The following CDYL variants were observed in gnomAD, a reference collection of about 807,000 sequenced individuals.
CDYL encodes the protein chromodomain Y like.
In CDYL, 8 loss-of-function variants were observed where a neutral mutation model predicts 47.3. The observed-to-expected ratio is 0.17, with a 90% confidence interval of 0.10 to 0.31. The LOEUF is 0.31. CDYL is among the 10% of genes least tolerant of loss of function. CDYL has a pLI of 1.00. For synonymous variants in CDYL, 266 were observed against 265.0 expected (o/e 1.00, Z -0.04); for missense variants, 471 against 701.4 (o/e 0.67, Z 3.71).
intron 4 of CDYL, among the ~76,000 whole-genome samples, chr6:4,941,684 T>C (rs1164234120): frequency 6.6e-6 from 1 of 152,236 alleles, no homozygotes; most frequent in Non-Finnish European, 1.5e-5. Flanking sequence ...AGAAGCAGAT[T>C]TTTTTATACA....
intron 2 of CDYL, among the ~76,000 whole-genome samples, chr6:4,725,356 G>A (rs554160234): frequency 7.2e-5 from 11 of 152,354 alleles, no homozygotes; most frequent in African/African-American, 2.4e-4. Context: ...GGTGGCCGAT[G>A]GGACTGGGCG....
chr6:4,899,301 A>G (rs1438144005), intron 2 of CDYL, among the ~76,000 whole-genome samples: 1 of 152,256 alleles, frequency 6.6e-6, no homozygotes, highest in Non-Finnish European at 1.5e-5. Flanking sequence ...TGAAAGACAT[A>G]TTAACAGGAG....
intron 5 of CDYL, among the ~76,000 whole-genome samples, chr6:4,947,675 C>T (rs751379236): frequency 2.0e-5 from 3 of 152,184 alleles, no homozygotes; most frequent in Non-Finnish European, 4.4e-5. Context: ...TGTCCACTCC[C>T]CTCGTCACAA....
intron 3 of CDYL, among the ~76,000 whole-genome samples, chr6:4,770,765 C>T (rs1259360230): frequency 6.6e-6 from 1 of 151,994 alleles, no homozygotes; most frequent in East Asian, 1.9e-4. Context: ...ATGTGTACTA[C>T]AAAAAAGGAA....
At chr6:4,899,842 G>A (rs937822138) in intron 2 of CDYL, among the ~76,000 whole-genome samples, 2 of 152,200 alleles carry the variant, frequency 1.3e-5, no homozygotes, top group Non-Finnish European at 2.9e-5. Context: ...GAAGAGTCAC[G>A]TGTGAGCTGT....
intron 1 of CDYL, among the ~76,000 whole-genome samples, chr6:4,854,189 G>A (rs985062564): frequency 2.0e-5 from 3 of 152,176 alleles, no homozygotes; most frequent in Non-Finnish European, 4.4e-5. Context: ...GTTAACCCTC[G>A]AGACCTGTGC....
At chr6:4,908,839 C>G (rs1185636886) in intron 2 of CDYL, among the ~76,000 whole-genome samples, 1 of 152,208 alleles carries the variant, frequency 6.6e-6, no homozygotes, top group East Asian at 1.9e-4. Context: ...TCATCCATAC[C>G]GTGGCACTTC....
At chr6:4,819,140 C>CTCTCT (rs1375098338) in intron 1 of CDYL, among the ~76,000 whole-genome samples, 3 of 140,734 alleles carry the variant, frequency 2.1e-5, no homozygotes, top group African/African-American at 8.8e-5. Flanking sequence ...CTCTCTCTCT[C>CTCTCT]TCTCTCTCTC....
intron 1 of CDYL, among the ~76,000 whole-genome samples, chr6:4,810,920 T>C (rs75257624): frequency 0.023 from 3,507 of 152,306 alleles, 143 homozygotes; most frequent in African/African-American, 0.08. Flanking sequence ...CATAGGAAAT[T>C]TTGGGGGACA....
intron 1 of CDYL, among the ~76,000 whole-genome samples, chr6:4,785,495 T>TA (rs1200782463): frequency 6.6e-6 from 1 of 152,238 alleles, no homozygotes; most frequent in South Asian, 2.1e-4. Context: ...GTTCTTTGGT[T>TA]AAAATGTATC....
chr6:4,854,448 C>T (rs544221320), intron 1 of CDYL, among the ~76,000 whole-genome samples: 1 of 152,334 alleles, frequency 6.6e-6, no homozygotes, highest in East Asian at 1.9e-4. Context: ...ACCCCACAGG[C>T]TCCCAGTGAG....
Position 4,706,785 on chromosome 6 carries a change from G to A in CDYL, c.-39+534G>A, listed in dbSNP as rs558582152. Among the ~76,000 whole-genome samples the A allele has an allele frequency of 9.9e-5, 15 of 152,178 alleles. No individual in the cohort carries two copies. In the East Asian group the frequency reaches 2.7e-3, roughly 27 times the overall value. ...GCCTGGGTGACAGTGAGACACTGTC[G>A]TAAAATAAATAAAATAAAACTACAA... On this transcript the variant is annotated intron_variant, in intron 1 of 8. Transcript: ENST00000328908.
At chr6:4,838,789 C>T (rs1287739439) in intron 1 of CDYL, among the ~76,000 whole-genome samples, 2 of 151,968 alleles carry the variant, frequency 1.3e-5, no homozygotes, top group Non-Finnish European at 1.5e-5. Context: ...CGGGTTCAAG[C>T]GATTCTCCTG....
chr6:4,718,407 TAGCTGG>T lies in CDYL; in HGVS notation c.103+2527_103+2532del, dbSNP rs1183099893. 4 of 152,276 alleles carry T rather than the reference TAGCTGG, an allele frequency of 2.6e-5. No homozygotes were observed. The East Asian group carries it at 7.7e-4, about 29-fold the overall frequency. 9.4% of individuals were successfully genotyped at this position (152,276 alleles called of 1,614,324 possible). A position where few individuals can be genotyped will look rare whatever the true frequency, so the allele number is the denominator to read the frequency against. ...GATTCTCCCACCTCAGCCTCCCAAG[TAGCTGG>T]GATTACAGCGTGTGCCATGACGCCC... On this transcript the variant is annotated intron_variant, in intron 2 of 8. Coordinates refer to the CDYL transcript ENST00000328908.
At chr6:4,813,237 A>G (rs1012524352) in intron 1 of CDYL, among the ~76,000 whole-genome samples, 1 of 152,182 alleles carries the variant, frequency 6.6e-6, no homozygotes, top group Non-Finnish European at 1.5e-5. Flanking sequence ...GAGTAGTAAC[A>G]TGGTAGAGAA....
At chr6:4,732,598 G>T (rs979457702) in intron 2 of CDYL, among the ~76,000 whole-genome samples, 2 of 148,174 alleles carry the variant, frequency 1.3e-5, no homozygotes, top group African/African-American at 5.0e-5. Context: ...GGAGGTTGAG[G>T]CAGCAAATGA....
At chr6:4,937,496 A>AT in intron 3 of CDYL, 69 bp from the exon 4 acceptor site, 1 of 1,266,930 alleles carries the variant, frequency 7.9e-7, no homozygotes, top group Non-Finnish European at 1.0e-6. Context: ...ACTCTCTCCA[A>AT]AAAAAAAAAT....
intron 3 of CDYL, among the ~76,000 whole-genome samples, chr6:4,745,458 C>T (rs772992692): frequency 4.6e-5 from 7 of 152,022 alleles, no homozygotes; most frequent in African/African-American, 7.2e-5. Context: ...TAGTGTTGGC[C>T]GGGCTCGGTA....
At chr6:4,842,829 G>C (rs1247641469) in intron 1 of CDYL, among the ~76,000 whole-genome samples, 1 of 151,946 alleles carries the variant, frequency 6.6e-6, no homozygotes, top group Non-Finnish European at 1.5e-5. Flanking sequence ...AAACCCTTGT[G>C]GGTTTTTTTT....
Sources: gnomAD v4.1 joint callset for allele counts (sites outside exome capture counted in the v4.1 genomes callset) on GRCh38, gnomAD v4.1.1 for gene constraint, MANE v1.5 for transcripts, NCBI Gene and HGNC (gene_info 2026-07-23, HGNC 2026-07-21) for gene names.